Variants in SAMD4A observed in about 807,000 individuals in gnomAD.
The protein encoded by SAMD4A is sterile alpha motif domain containing 4A, also known as protein Smaug homolog 1.
A neutral mutation model predicts 81.3 loss-of-function variants in SAMD4A; 33 were observed. The ratio of observed to expected loss-of-function variants is 0.41; its 90% CI spans 0.31 to 0.54. The LOEUF (loss-of-function observed/expected upper bound fraction) is 0.54, where lower values mean the gene tolerates loss of function less well. Ranked by LOEUF, SAMD4A falls within the 20% of genes least tolerant of loss-of-function variation. SAMD4A has a pLI of 0.37. For missense variants in SAMD4A, 854 were observed against 951.1 expected, an observed-to-expected ratio of 0.90 and a Z score of 1.34; for synonymous variants, 389 against 382.1, an observed-to-expected ratio of 1.02 and a Z score of -0.21.
chr14:54,737,544 T>C lies in SAMD4A; in HGVS notation c.979+257T>C, dbSNP rs75717518. ...GTCAACCCACTCTCTCTCTCTCTCT[T>C]TTTTTTTTTTTTTTTTTGCATTGCA... is the stretch of plus-strand genomic sequence containing the variant. On this transcript the variant is annotated intron_variant, in intron 4 of 12. Coordinates refer to ENST00000554335, the MANE Select transcript of SAMD4A (RefSeq NM_015589.6). 3.7e-3 allele frequency among the ~76,000 whole-genome samples: 197 copies of C among 53,932 alleles called. 1 individual carries two copies. The highest frequency in any genetic ancestry group is 8.4e-3 in the Non-Finnish European group (132 of 15,796). 35.4% of individuals were successfully genotyped at this position (53,932 alleles called of 152,430 possible). A position where few individuals can be genotyped will look rare whatever the true frequency, so the allele number is the denominator to read the frequency against.
At chr14:54,763,000 G>T (rs1011129509) in intron 7 of SAMD4A, among the ~76,000 whole-genome samples, 6 of 151,530 alleles carry the variant, frequency 4.0e-5, no homozygotes, top group Non-Finnish European at 7.4e-5. Context: ...GACTACAGGC[G>T]CCCGCCACCA....
chr14:54,619,715 C>G (rs1299687190), intron 2 of SAMD4A, among the ~76,000 whole-genome samples: 1 of 152,114 alleles, frequency 6.6e-6, no homozygotes, highest in Admixed American at 6.6e-5. Context: ...TCATGTAGCT[C>G]CCACTGGTAA....
intron 7 of SAMD4A, among the ~76,000 whole-genome samples, chr14:54,760,842 G>A (rs757516926): frequency 2.0e-5 from 3 of 152,302 alleles, no homozygotes; most frequent in East Asian, 1.9e-4. Context: ...GGAACAAACC[G>A]TTCACTCAGC....
At chr14:54,648,624 T>C (rs1462097643) in intron 2 of SAMD4A, among the ~76,000 whole-genome samples, 2 of 152,098 alleles carry the variant, frequency 1.3e-5, no homozygotes, top group Non-Finnish European at 2.9e-5. Flanking sequence ...GTAGAGTCAG[T>C]GTGACTGGAA....
chr14:54,757,682 A>T (rs2038282945), intron 6 of SAMD4A, among the ~76,000 whole-genome samples: 1 of 152,122 alleles, frequency 6.6e-6, no homozygotes, highest in Non-Finnish European at 1.5e-5. Flanking sequence ...GATACATGTG[A>T]TCACCCCAGC....
At chr14:54,679,788 T>C (rs528661241) in intron 2 of SAMD4A, among the ~76,000 whole-genome samples, 1 of 152,336 alleles carries the variant, frequency 6.6e-6, no homozygotes, top group Admixed American at 6.5e-5. Context: ...GAGACAACTC[T>C]GAACTGACCC....
intron 2 of SAMD4A, among the ~76,000 whole-genome samples, chr14:54,659,956 C>G (rs983924167): frequency 3.3e-5 from 5 of 152,114 alleles, no homozygotes; most frequent in Non-Finnish European, 5.9e-5. Context: ...TGGCGCATGC[C>G]TGTAATCCCA....
intron 2 of SAMD4A, among the ~76,000 whole-genome samples, chr14:54,660,104 T>A (rs1003190942): frequency 8.5e-5 from 13 of 152,048 alleles, no homozygotes; most frequent in Admixed American, 8.5e-4. Flanking sequence ...AAGGGCCTTT[T>A]GTCAATCATC....
intron 2 of SAMD4A, among the ~76,000 whole-genome samples, chr14:54,604,725 T>C (rs2034153422): frequency 6.6e-6 from 1 of 152,234 alleles, no homozygotes; most frequent in Non-Finnish European, 1.5e-5. Flanking sequence ...GAGTTTTTAT[T>C]GCACTTCTGA....
At chr14:54,749,529 A>G (rs979895706) in intron 5 of SAMD4A, among the ~76,000 whole-genome samples, 1 of 152,180 alleles carries the variant, frequency 6.6e-6, no homozygotes, top group African/African-American at 2.4e-5. Context: ...ACATGAGACA[A>G]TCATTGAGAA....
At chr14:54,612,361 C>G (rs8014394) in intron 2 of SAMD4A, among the ~76,000 whole-genome samples, 1 of 152,006 alleles carries the variant, frequency 6.6e-6, no homozygotes, top group Non-Finnish European at 1.5e-5. Flanking sequence ...ACATATGTCT[C>G]CAAGTCTTCT....
At chr14:54,709,587 G>A (rs2036939686) in intron 3 of SAMD4A, among the ~76,000 whole-genome samples, 1 of 152,078 alleles carries the variant, frequency 6.6e-6, no homozygotes, top group African/African-American at 2.4e-5. Context: ...AAAAGAAAGA[G>A]AAGAATGTAT....
rs996746532 is a variant in SAMD4A at position 54,789,050 on chromosome 14, T to C, written c.*106T>C. 1.6e-6 allele frequency: 2 copies of C among 1,275,476 alleles called. No individual in the cohort carries two copies. The highest frequency in any genetic ancestry group is 1.1e-6 in the Non-Finnish European group (1 of 879,048). 79.0% of individuals were successfully genotyped at this position (1,275,476 alleles called of 1,614,324 possible). On this transcript the variant is annotated 3_prime_UTR_variant, in exon 13 of 13. Transcript: ENST00000554335. ...GAATCCTCCAAGATACTTTGCAGCCTTTTTTCCCCCTGGTCCCTCTCCCGT... is the reference window on the plus strand; with the variant it reads ...GAATCCTCCAAGATACTTTGCAGCCCTTTTTCCCCCTGGTCCCTCTCCCGT...
At chr14:54,596,542 G>T (rs1346446035) in intron 2 of SAMD4A, among the ~76,000 whole-genome samples, 1 of 152,204 alleles carries the variant, frequency 6.6e-6, no homozygotes, top group East Asian at 1.9e-4. Context: ...CCGAGATCAT[G>T]CCACTGCACT....
chr14:54,648,607 A>C (rs1004582100), intron 2 of SAMD4A, among the ~76,000 whole-genome samples: 1 of 152,180 alleles, frequency 6.6e-6, no homozygotes, highest in Admixed American at 6.5e-5. Context: ...TGTGTGTTTG[A>C]AAAATAGTAG....
intron 2 of SAMD4A, among the ~76,000 whole-genome samples, chr14:54,639,954 T>C (rs965059608): frequency 2.0e-5 from 3 of 152,138 alleles, no homozygotes; most frequent in Non-Finnish European, 4.4e-5. Context: ...ATTCTGCTTA[T>C]TTTCAATAGG....
At chr14:54,656,184 C>T (rs184401356) in intron 2 of SAMD4A, among the ~76,000 whole-genome samples, 4 of 152,266 alleles carry the variant, frequency 2.6e-5, no homozygotes, top group Non-Finnish European at 1.5e-5. Flanking sequence ...CTGTAGAATT[C>T]ACTCTCCACT....
At chr14:54,679,554 G>A (rs2036080307) in intron 2 of SAMD4A, among the ~76,000 whole-genome samples, 1 of 152,160 alleles carries the variant, frequency 6.6e-6, no homozygotes, top group Non-Finnish European at 1.5e-5. Context: ...TAGTTTATAG[G>A]AGTGAAGGTC....
At chr14:54,677,439 C>G (rs989215573) in intron 2 of SAMD4A, among the ~76,000 whole-genome samples, 2 of 152,230 alleles carry the variant, frequency 1.3e-5, no homozygotes, top group African/African-American at 4.8e-5. Flanking sequence ...GAAACTGACT[C>G]ATTCAGCTTT....
Sources: allele counts gnomAD v4.1 joint callset (sites outside exome capture counted in the v4.1 genomes callset), GRCh38; gene constraint gnomAD v4.1.1; transcripts MANE v1.5; gene names NCBI Gene and HGNC (gene_info 2026-07-23, HGNC 2026-07-21).